DAB1: variants seen among roughly 807,000 people sequenced by gnomAD.
DAB1 encodes disabled homolog 1.
A neutral mutation model predicts 64.6 loss-of-function variants in DAB1; 15 were observed. The observed-to-expected ratio is 0.23, with a 90% CI of 0.16 to 0.36. The LOEUF (loss-of-function observed/expected upper bound fraction) is 0.36, where lower values mean the gene tolerates loss of function less well. DAB1 is among the 10% of genes least tolerant of loss of function. The pLI is 1.00. For missense variants in DAB1, 596 were observed against 706.7 expected, an observed-to-expected ratio of 0.84 and a Z score of 1.78; for synonymous variants, 235 against 251.9, an observed-to-expected ratio of 0.93 and a Z score of 0.64.
chr1:57,208,721 T>C (rs934487209), intron 2 of DAB1, among the ~76,000 whole-genome samples: 8 of 152,190 alleles, frequency 5.3e-5, no homozygotes, highest in Non-Finnish European at 1.0e-4. Flanking sequence ...GCATTTTCTT[T>C]CTCCAGTTTA....
At chr1:58,194,952 A>T (rs1657592228) in intron 4 of DAB1, among the ~76,000 whole-genome samples, 1 of 152,220 alleles carries the variant, frequency 6.6e-6, no homozygotes. Flanking sequence ...AGAGGAAATG[A>T]TGTACTTTCT....
chr1:58,040,216 T>A (rs1484336223), intron 5 of DAB1, among the ~76,000 whole-genome samples: 1 of 152,172 alleles, frequency 6.6e-6, no homozygotes, highest in Non-Finnish European at 1.5e-5. Flanking sequence ...TTGATTATGA[T>A]GTCAGGAAAG....
At chr1:58,293,721 T>C (rs1420570647) in intron 4 of DAB1, among the ~76,000 whole-genome samples, 1 of 152,160 alleles carries the variant, frequency 6.6e-6, no homozygotes, top group Non-Finnish European at 1.5e-5. Flanking sequence ...ATTCAGCAAA[T>C]TGGCCAACAG....
At chr1:57,228,339 T>C (rs1363157747) in intron 2 of DAB1, among the ~76,000 whole-genome samples, 1 of 152,078 alleles carries the variant, frequency 6.6e-6, no homozygotes, top group Non-Finnish European at 1.5e-5. Context: ...TTTATGATGG[T>C]ACCAAAAATA....
At chr1:57,714,774 G>A (rs1269005941) in intron 6 of DAB1, among the ~76,000 whole-genome samples, 1 of 152,170 alleles carries the variant, frequency 6.6e-6, no homozygotes, top group Non-Finnish European at 1.5e-5. Context: ...GGCCCTTGTA[G>A]GGTGTAAGCA....
At chr1:57,879,000 G>C (rs1399634940) in intron 1 of DAB1, among the ~76,000 whole-genome samples, 1 of 152,080 alleles carries the variant, frequency 6.6e-6, no homozygotes, top group Non-Finnish European at 1.5e-5. Context: ...GTGAATGACA[G>C]GATTTTGTTC....
At chr1:57,088,725 C>T (rs1653341797) in intron 4 of DAB1, among the ~76,000 whole-genome samples, 1 of 152,196 alleles carries the variant, frequency 6.6e-6, no homozygotes, top group South Asian at 2.1e-4. Context: ...CACCTCTGCA[C>T]AAATCGGAAT....
chr1:57,652,049 G>A (rs1646262735), intron 6 of DAB1, among the ~76,000 whole-genome samples: 1 of 152,120 alleles, frequency 6.6e-6, no homozygotes, highest in Non-Finnish European at 1.5e-5. Flanking sequence ...AAGCTAATGA[G>A]AAACCAGAAG....
chr1:57,887,410 G>A (rs901988970), upstream of DAB1, among the ~76,000 whole-genome samples: 2 of 152,160 alleles, frequency 1.3e-5, no homozygotes, highest in Admixed American at 6.5e-5. Flanking sequence ...ATACCCGAAT[G>A]ATAACAGAAG....
chr1:58,120,601 C>T (rs572638715), intron 5 of DAB1, among the ~76,000 whole-genome samples: 1 of 152,316 alleles, frequency 6.6e-6, no homozygotes, highest in South Asian at 2.1e-4. Flanking sequence ...GCTTCCTTCC[C>T]TTGTCCACCC....
At chr1:57,643,225 G>C (rs1646152673) in intron 7 of DAB1, among the ~76,000 whole-genome samples, 1 of 152,136 alleles carries the variant, frequency 6.6e-6, no homozygotes, top group Non-Finnish European at 1.5e-5. Flanking sequence ...TGCACTTTAA[G>C]AATAAGATGT....
At chr1:57,284,704 T>A (rs1672176143) in intron 2 of DAB1, among the ~76,000 whole-genome samples, 1 of 152,284 alleles carries the variant, frequency 6.6e-6, no homozygotes, top group African/African-American at 2.4e-5. Context: ...AGGATCCTGA[T>A]GACCTAATGA....
intron 1 of DAB1, among the ~76,000 whole-genome samples, chr1:57,390,034 T>G (rs907755371): frequency 6.6e-6 from 1 of 152,046 alleles, no homozygotes; most frequent in East Asian, 1.9e-4. Context: ...CAAACCAATG[T>G]TGTTAATACT....
intron 4 of DAB1, among the ~76,000 whole-genome samples, chr1:58,169,262 T>C (rs1024310780): frequency 2.0e-5 from 3 of 152,002 alleles, no homozygotes; most frequent in African/African-American, 4.8e-5. Context: ...CCAGGGACCA[T>C]TGTGGGTTCT....
At chr1:58,398,068 A>G (rs1196230181) in intron 3 of DAB1, among the ~76,000 whole-genome samples, 4 of 152,038 alleles carry the variant, frequency 2.6e-5, no homozygotes, top group Non-Finnish European at 5.9e-5. Flanking sequence ...CACTGCGCAC[A>G]TGGATTCCGA....
intron 1 of DAB1, among the ~76,000 whole-genome samples, chr1:57,405,631 T>G (rs1326092560): frequency 1.3e-5 from 2 of 152,178 alleles, no homozygotes; most frequent in Admixed American, 1.3e-4. Context: ...GCCAAAGACC[T>G]ACATGAGTCC....
chr1:58,540,404 A>G (rs981141889), intron 1 of DAB1, among the ~76,000 whole-genome samples: 2 of 152,132 alleles, frequency 1.3e-5, no homozygotes, highest in African/African-American at 2.4e-5. Flanking sequence ...CAATTAGAAG[A>G]AATATCAATC....
At chr1:58,217,668 T>C (rs1275727766) in intron 4 of DAB1, among the ~76,000 whole-genome samples, 1 of 152,194 alleles carries the variant, frequency 6.6e-6, no homozygotes. Context: ...TATTCTCCCA[T>C]TTTAGAGATA....
chr1:57,518,418 G>A (rs1196587601), intron 7 of DAB1, among the ~76,000 whole-genome samples: 2 of 152,064 alleles, frequency 1.3e-5, no homozygotes, highest in Admixed American at 6.6e-5. Context: ...GACCATGCTA[G>A]CTAAAATAGA....
Sources: allele counts gnomAD v4.1 joint callset (sites outside exome capture counted in the v4.1 genomes callset), GRCh38; gene constraint gnomAD v4.1.1; transcripts MANE v1.5; gene names NCBI Gene and HGNC (gene_info 2026-07-23, HGNC 2026-07-21).